Variants in ITIH5 observed in about 807,000 individuals in gnomAD.
The protein encoded by ITIH5 is inter-alpha-trypsin inhibitor heavy chain 5.
In ITIH5, 65 loss-of-function variants were observed where a neutral mutation model predicts 77.5. That is an observed-to-expected ratio of 0.84 (90% CI 0.69 to 1.03). The LOEUF (loss-of-function observed/expected upper bound fraction) is 1.03. ITIH5 is among the 50% of genes least tolerant of loss of function. ITIH5 has a pLI of 0.00. For missense variants in ITIH5, 1,208 were observed against 1,213.1 expected, an observed-to-expected ratio of 1.00 and a Z score of 0.06; for synonymous variants, 525 against 494.3, an observed-to-expected ratio of 1.06 and a Z score of -0.82.
intron 12 of ITIH5, chr10:7,569,394 T>C: frequency 3.0e-6 from 1 of 337,918 alleles, no homozygotes; most frequent in South Asian, 1.3e-4. Flanking sequence ...CCATTTTATA[T>C]TAGCTCTGTG....
chr10:7,646,003 C>T (rs1056322874), intron 2 of ITIH5, among the ~76,000 whole-genome samples: 1 of 152,142 alleles, frequency 6.6e-6, no homozygotes, highest in African/African-American at 2.4e-5. Flanking sequence ...GAAGTGTTTA[C>T]TTTGATCTGT....
chr10:7,576,379 G>A (rs1267177843), intron 10 of ITIH5, 74 bp downstream of exon 10: 3 of 1,275,302 alleles, frequency 2.4e-6, no homozygotes, highest in Non-Finnish European at 2.1e-6. Context: ...TTCCTGCTGG[G>A]GCTTCCTGTG....
At chr10:7,659,005 T>A (rs895004057) in intron 1 of ITIH5, among the ~76,000 whole-genome samples, 6 of 152,136 alleles carry the variant, frequency 3.9e-5, no homozygotes, top group African/African-American at 1.4e-4. Context: ...GTCCATTCAG[T>A]TGGTTGGCGG....
chr10:7,583,646 C>T (rs1832613845), intron 8 of ITIH5, among the ~76,000 whole-genome samples: 1 of 152,200 alleles, frequency 6.6e-6, no homozygotes, highest in African/African-American at 2.4e-5. Context: ...ATTTGCCTTT[C>T]TTAAGGTCCA....
At chr10:7,570,956 T>C (rs1250071862) in intron 11 of ITIH5, among the ~76,000 whole-genome samples, 2 of 152,176 alleles carry the variant, frequency 1.3e-5, no homozygotes, top group Non-Finnish European at 2.9e-5. Flanking sequence ...CTGCCTTCTG[T>C]GCACATGGAC....
chr10:7,613,878 G>A (rs1322470178), intron 7 of ITIH5, among the ~76,000 whole-genome samples: 2 of 152,126 alleles, frequency 1.3e-5, no homozygotes, highest in Non-Finnish European at 2.9e-5. Flanking sequence ...CCAGCTTCGT[G>A]CCATTTGGGC....
intron 5 of ITIH5, among the ~76,000 whole-genome samples, chr10:7,636,429 CT>C (rs1472804271): frequency 3.1e-4 from 47 of 152,228 alleles, no homozygotes; most frequent in African/African-American, 1.0e-3. Flanking sequence ...TCTCATACCC[CT>C]GATACAAAAT....
At chr10:7,656,407 G>T (rs189877011) in intron 1 of ITIH5, among the ~76,000 whole-genome samples, 4 of 152,116 alleles carry the variant, frequency 2.6e-5, no homozygotes, top group Admixed American at 1.3e-4. Context: ...TAGAGACAGG[G>T]TCTCGCTATG....
chr10:7,587,030 A>G (rs1564246357), intron 7 of ITIH5, among the ~76,000 whole-genome samples: 2 of 152,126 alleles, frequency 1.3e-5, no homozygotes, highest in Non-Finnish European at 2.9e-5. Flanking sequence ...GGGTTTCACC[A>G]TGTTGCCCAG....
At chr10:7,637,095 C>A in intron 5 of ITIH5, 133 bp downstream of exon 5, 1 of 1,116,208 alleles carries the variant, frequency 9.0e-7, no homozygotes, top group Non-Finnish European at 1.3e-6. Flanking sequence ...TCATTGCTAT[C>A]ATTCCAGTTC....
intron 1 of ITIH5, among the ~76,000 whole-genome samples, chr10:7,657,147 C>A (rs779908478): frequency 6.7e-6 from 1 of 149,752 alleles, no homozygotes; most frequent in East Asian, 2.0e-4. Context: ...CGGGTTCAAG[C>A]GATTCCCCTG....
At chr10:7,625,343 G>A (rs2131051317) in intron 5 of ITIH5, among the ~76,000 whole-genome samples, 1 of 152,290 alleles carries the variant, frequency 6.6e-6, no homozygotes, top group South Asian at 2.1e-4. Context: ...GGTTATCTGG[G>A]ACCAGGGGGA....
chr10:7,602,493 AC>A (rs1443593291), intron 7 of ITIH5, among the ~76,000 whole-genome samples: 1 of 152,102 alleles, frequency 6.6e-6, no homozygotes, highest in African/African-American at 2.4e-5. Flanking sequence ...AGTGAGTCTC[AC>A]AAGATCTGAC....
rs1225949231 is a variant in ITIH5 at position 7,637,470 on chromosome 10, C to T, written c.410G>A (p.Gly137Glu). 1.9e-6 allele frequency: 3 copies of T among 1,613,618 alleles called. No individual in the cohort carries two copies. In the South Asian group the frequency reaches 3.3e-5, roughly 18 times the overall value. Reference sequence around the variant, plus strand: ...TGCAGAAGCTCTGAATATTTCAGTCCCCTTCTCTCTGTCAGGAAAAAGGAA... The same window carrying T: ...TGCAGAAGCTCTGAATATTTCAGTCTCCTTCTCTCTGTCAGGAAAAAGGAA... ...NKTTEENGEK[G>E]TEIFRASAVI... Residue 137 changes from glycine (G) to glutamate (E), a missense_variant, in exon 5 of 14, where the codon GGG becomes GAG. Coordinates refer to ENST00000397146, the MANE Select transcript of ITIH5 (RefSeq NM_030569.7).
intron 5 of ITIH5, chr10:7,622,091 AAGACAACCCC>A (rs1363122590): frequency 2.0e-5 from 3 of 152,194 alleles, no homozygotes; most frequent in Admixed American, 2.0e-4. Flanking sequence ...GATCCCATGC[AAGACAACCCC>A]AGGGACACAC....
chr10:7,627,448 G>C (rs1440826310), intron 5 of ITIH5, among the ~76,000 whole-genome samples: 1 of 152,170 alleles, frequency 6.6e-6, no homozygotes, highest in Admixed American at 6.5e-5. Flanking sequence ...CGGGATGTGT[G>C]GCTGGTCAGT....
At chr10:7,612,736 G>C (rs1053523087) in intron 7 of ITIH5, among the ~76,000 whole-genome samples, 5 of 151,274 alleles carry the variant, frequency 3.3e-5, no homozygotes, top group African/African-American at 9.7e-5. Flanking sequence ...TGAGATGCCT[G>C]AGGAAACCCA....
intron 7 of ITIH5, among the ~76,000 whole-genome samples, chr10:7,586,966 G>A (rs1832692240): frequency 6.6e-6 from 1 of 152,170 alleles, no homozygotes; most frequent in African/African-American, 2.4e-5. Flanking sequence ...GAGTAGCTGG[G>A]ATTACAGGTG....
chr10:7,624,689 G>A (rs1418199486), intron 5 of ITIH5, among the ~76,000 whole-genome samples: 2 of 147,614 alleles, frequency 1.4e-5, no homozygotes, highest in Admixed American at 6.8e-5. Context: ...AGGAGGCTGA[G>A]GCAGAAGAAT....
Sources: gnomAD v4.1 joint callset for allele counts (sites outside exome capture counted in the v4.1 genomes callset) on GRCh38, gnomAD v4.1.1 for gene constraint, MANE v1.5 for transcripts, NCBI Gene and HGNC (gene_info 2026-07-23, HGNC 2026-07-21) for gene names.